STAG1: variants seen among roughly 807,000 people sequenced by gnomAD.
STAG1 encodes STAG1 cohesin complex component.
Under a neutral mutation model 170.9 loss-of-function variants are expected in STAG1, and 26 were observed. The observed-to-expected ratio is 0.15, with a 90% CI of 0.11 to 0.21. STAG1 has a LOEUF of 0.21. Among genes scored for constraint, STAG1 ranks in the 10% least tolerant of loss-of-function variants. The pLI, the probability that STAG1 is intolerant of heterozygous loss-of-function variation, is 1.00. For missense variants in STAG1, 964 were observed against 1,509.5 expected (o/e 0.64, Z 5.99); for synonymous variants, 514 against 497.7 (o/e 1.03, Z -0.44).
chr3:136,466,968 C>T (rs1352013795), intron 12 of STAG1, among the ~76,000 whole-genome samples: 1 of 152,120 alleles, frequency 6.6e-6, no homozygotes, highest in Non-Finnish European at 1.5e-5. Context: ...GATTTTGTCA[C>T]CACCAAGCCT....
intron 14 of STAG1, among the ~76,000 whole-genome samples, chr3:136,451,095 CAGG>C (rs766316423): frequency 8.8e-4 from 133 of 151,674 alleles, no homozygotes; most frequent in Non-Finnish European, 1.7e-3. Flanking sequence ...TTAAGTTATT[CAGG>C]AGTTCTTCAG....
Position 136,623,097 on chromosome 3 carries a change from T to C in STAG1, c.132+49A>G, listed in dbSNP as rs778202158. On this transcript the variant is annotated intron_variant, in intron 3 of 33. Transcript: ENST00000383202. Reference sequence around the variant, plus strand: ...AGAATTAACAACTCATATAAACTCATTAACACGGTCACTATTAAAGGAACA... The same window carrying C: ...AGAATTAACAACTCATATAAACTCACTAACACGGTCACTATTAAAGGAACA... 3.3e-6 allele frequency: 5 copies of C among 1,506,082 alleles called. No homozygotes were observed. The African/African-American group carries it at 5.6e-5, about 17-fold the overall frequency. 93.3% of individuals were successfully genotyped at this position (1,506,082 alleles called of 1,614,324 possible). A position where few individuals can be genotyped will look rare whatever the true frequency, so the allele number is the denominator to read the frequency against.
Position 136,417,917 on chromosome 3 carries a change from T to G in STAG1, c.2164A>C (p.Thr722Pro). ...LFGNCYRLLK[T>P]GIEHGAMPEQ... is the part of the protein sequence containing the mutation. ...GGCATGGCTCCATGTTCAATTCCAG[T>G]CTTCAATAATCTGTAGCAATTACCA... is the stretch of plus-strand genomic sequence containing the variant. Residue 722 changes from threonine (T) to proline (P), a missense_variant, in exon 21 of 34, where the codon ACT becomes CCT. By Grantham distance (38) the Thr-to-Pro change is conservative (BLOSUM62 -1). Coordinates refer to ENST00000383202, the MANE Select transcript of STAG1 (RefSeq NM_005862.3). 6.2e-7 allele frequency: 1 copy of G among 1,614,030 alleles called. No individual in the cohort carries two copies. Among genetic ancestry groups the G allele is most frequent in the Non-Finnish European group, 8.5e-7 (1 of 1,179,912 alleles).
At chr3:136,751,865 G>C (rs1396636165) in intron 1 of STAG1, among the ~76,000 whole-genome samples, 1 of 150,688 alleles carries the variant, frequency 6.6e-6, no homozygotes, top group Non-Finnish European at 1.5e-5. Flanking sequence ...AAAGGCTTCC[G>C]CGCCTGTCGC....
At chr3:136,394,797 AC>A (rs1232986963) in intron 22 of STAG1, among the ~76,000 whole-genome samples, 5 of 151,900 alleles carry the variant, frequency 3.3e-5, no homozygotes, top group Non-Finnish European at 5.9e-5. Flanking sequence ...TACTAAACAT[AC>A]AAAAATTAGC....
intron 1 of STAG1, among the ~76,000 whole-genome samples, chr3:136,679,450 C>T (rs1432255635): frequency 6.6e-6 from 1 of 152,040 alleles, no homozygotes; most frequent in Non-Finnish European, 1.5e-5. Context: ...CAGCATGGGC[C>T]GGGTGCGGTG....
intron 4 of STAG1, among the ~76,000 whole-genome samples, chr3:136,593,372 C>T (rs979531295): frequency 2.0e-5 from 3 of 152,074 alleles, no homozygotes; most frequent in Admixed American, 2.0e-4. Flanking sequence ...TGCCCACCAG[C>T]GTCAGGCAAC....
At chr3:136,580,521 C>CTTTTTTTTTTTTTTTTTTTTTTTTTTTTT in intron 4 of STAG1, among the ~76,000 whole-genome samples, 1 of 100,340 alleles carries the variant, frequency 1.0e-5, no homozygotes, top group Non-Finnish European at 2.0e-5. Context: ...TTGTATAATT[C>CTTTTTTTTTTTTTTTTTTTTTTTTTTTTT]TTTTTTTTTT....
intron 3 of STAG1, among the ~76,000 whole-genome samples, chr3:136,621,910 TTACAAAC>T (rs778926223): frequency 2.0e-5 from 3 of 150,558 alleles, no homozygotes; most frequent in Non-Finnish European, 2.9e-5. Flanking sequence ...CATAAGATGA[TTACAAAC>T]TATAAAACTG....
intron 13 of STAG1, among the ~76,000 whole-genome samples, chr3:136,459,209 T>A (rs1415388523): frequency 3.5e-5 from 5 of 143,848 alleles, no homozygotes; most frequent in Non-Finnish European, 7.5e-5. Context: ...AGAGCGAGAC[T>A]CTGTCTTAAA....
chr3:136,503,741 TA>T (rs1188118154), intron 7 of STAG1, among the ~76,000 whole-genome samples: 1 of 152,190 alleles, frequency 6.6e-6, no homozygotes, highest in Non-Finnish European at 1.5e-5. Context: ...TCATTATTTT[TA>T]TTTTTTTTTT....
intron 6 of STAG1, among the ~76,000 whole-genome samples, chr3:136,527,625 C>G (rs1419301108): frequency 6.6e-6 from 1 of 152,146 alleles, no homozygotes; most frequent in Non-Finnish European, 1.5e-5. Context: ...CCGTTACTGA[C>G]GAGGAGCTGT....
Position 136,604,462 on chromosome 3 carries a change from C to A in STAG1, c.144G>T (p.Lys48Asn). ...GRPGRPPSTN[K>N]KPRKSPGEKS... is the part of the protein sequence containing the mutation. ...TCTCACCTGGAGATTTTCGAGGTTT[C>A]TTATTTGTAGACTGAAAAAAAGATA... Residue 48 changes from lysine (K) to asparagine (N), a missense_variant, in exon 4 of 34, where the codon AAG becomes AAT. Lys to Asn is a moderately conservative substitution (Grantham distance 94, BLOSUM62 0). Coordinates refer to ENST00000383202, the MANE Select transcript of STAG1 (RefSeq NM_005862.3). 1 of 1,596,434 alleles carries A rather than the reference C, an allele frequency of 6.3e-7. No homozygotes were observed. Among genetic ancestry groups the A allele is most frequent in the Non-Finnish European group, 8.5e-7 (1 of 1,175,222 alleles).
At chr3:136,431,728 C>G (rs1357074381) in intron 16 of STAG1, among the ~76,000 whole-genome samples, 2 of 152,184 alleles carry the variant, frequency 1.3e-5, no homozygotes, top group Admixed American at 6.5e-5. Context: ...TTGACTTTCA[C>G]TGAATATGTC....
At chr3:136,454,034 TG>T (rs2089027271) in intron 13 of STAG1, among the ~76,000 whole-genome samples, 2 of 152,190 alleles carry the variant, frequency 1.3e-5, no homozygotes, top group South Asian at 4.2e-4. Context: ...GTTTAATGGG[TG>T]ACTTTCAGAG....
intron 7 of STAG1, among the ~76,000 whole-genome samples, chr3:136,509,942 T>C (rs746357471): frequency 2.0e-5 from 3 of 152,274 alleles, no homozygotes; most frequent in Admixed American, 1.3e-4. Context: ...GAGGTGATTA[T>C]AGTACTTTAT....
At chr3:136,613,197 T>G (rs1939389512) in intron 3 of STAG1, among the ~76,000 whole-genome samples, 1 of 148,762 alleles carries the variant, frequency 6.7e-6, no homozygotes, top group Admixed American at 6.8e-5. Context: ...CCCAGCTACT[T>G]GGGAGGCTGA....
intron 22 of STAG1, among the ~76,000 whole-genome samples, chr3:136,392,754 A>G (rs1330316764): frequency 7.8e-6 from 1 of 128,878 alleles, no homozygotes; most frequent in East Asian, 2.3e-4. Flanking sequence ...TGACAGAGCC[A>G]GGCTCCGTCT....
chr3:136,739,757 G>C (rs1425518784), intron 1 of STAG1, among the ~76,000 whole-genome samples: 1 of 151,924 alleles, frequency 6.6e-6, no homozygotes, highest in African/African-American at 2.4e-5. Context: ...CTAGGAGGCA[G>C]AGGTTGCAGT....
Sources: allele counts gnomAD v4.1 joint callset (sites outside exome capture counted in the v4.1 genomes callset), GRCh38; gene constraint gnomAD v4.1.1; transcripts MANE v1.5; gene names NCBI Gene and HGNC (gene_info 2026-07-23, HGNC 2026-07-21).